Variants in TUSC3 observed in about 807,000 individuals in gnomAD.
The protein encoded by TUSC3 is dolichyl-diphosphooligosaccharide--protein glycosyltransferase subunit TUSC3.
Under a neutral mutation model 44.8 loss-of-function variants are expected in TUSC3, and 45 were observed. That is an observed-to-expected ratio of 1.00 (90% CI 0.79 to 1.29). TUSC3 has a LOEUF of 1.29. Ranked by LOEUF, TUSC3 falls within the 50% of genes most tolerant of loss-of-function variation. The pLI is 0.00. For synonymous variants in TUSC3, 212 were observed against 152.9 expected (o/e 1.39, Z -2.85); for missense variants, 519 against 437.9 (o/e 1.19, Z -1.65).
At chr8:15,791,850 C>T in the TUSC3 span, among the ~76,000 whole-genome samples, 1 of 152,180 alleles carries the variant, frequency 6.6e-6, no homozygotes, top group African/African-American at 2.4e-5. Context: ...AGCTCATCAA[C>T]TGGGCTTCAA....
At chr8:15,436,684 C>G (rs1799949496) in intron 1 of TUSC3, among the ~76,000 whole-genome samples, 3 of 148,460 alleles carry the variant, frequency 2.0e-5, no homozygotes, top group South Asian at 2.2e-4. Flanking sequence ...TGCAAAAAAC[C>G]CAGAACTTTC....
chr8:15,631,764 G>C (rs775854910), intron 2 of TUSC3, among the ~76,000 whole-genome samples: 2 of 151,750 alleles, frequency 1.3e-5, no homozygotes, highest in Non-Finnish European at 2.9e-5. Flanking sequence ...GGAGTGCAGT[G>C]GCGCGATCAT....
intron 2 of TUSC3, among the ~76,000 whole-genome samples, chr8:15,523,837 C>T (rs1214054105): frequency 6.6e-6 from 1 of 151,014 alleles, no homozygotes; most frequent in Non-Finnish European, 1.5e-5. Flanking sequence ...GCAGGCAGAT[C>T]ATGAGGTCAA....
intron 9 of TUSC3, among the ~76,000 whole-genome samples, chr8:15,752,174 G>A (rs916299429): frequency 2.0e-5 from 3 of 152,044 alleles, no homozygotes; most frequent in Admixed American, 1.3e-4. Flanking sequence ...CCAGAAGAAG[G>A]CTTGAATTAG....
At chr8:15,821,454 T>C in the TUSC3 span, among the ~76,000 whole-genome samples, 1 of 151,528 alleles carries the variant, frequency 6.6e-6, no homozygotes, top group Non-Finnish European at 1.5e-5. Flanking sequence ...TTTACTGCTA[T>C]GATTTCTTCA....
the TUSC3 span, among the ~76,000 whole-genome samples, chr8:15,851,143 C>T: frequency 2.5e-3 from 378 of 152,310 alleles, 8 homozygotes; most frequent in East Asian, 0.067. Flanking sequence ...TATGTTTCAT[C>T]CTCTGGCCTT....
the TUSC3 span, among the ~76,000 whole-genome samples, chr8:15,782,633 A>G: frequency 1.6e-4 from 25 of 152,316 alleles, 1 homozygote; most frequent in Middle Eastern, 3.4e-3. Context: ...AAGGAAAACA[A>G]TAATTTGATT....
Position 15,494,095 on chromosome 8 carries a change from G to A in TUSC3, n.189+10612G>A, listed in dbSNP as rs533194118. Among the ~76,000 whole-genome samples the A allele has an allele frequency of 3.3e-5, 5 of 152,308 alleles. No individual in the cohort carries two copies. The South Asian group carries it at 1.0e-3, about 32-fold the overall frequency. On this transcript the variant is annotated intron_variant and non_coding_transcript_variant, in intron 2 of 5. Coordinates refer to the TUSC3 transcript ENST00000503191. ...ACCATACCAGCCTGCTGCTATACCA[G>A]CTGCTCTGCTGTCTGCTGCTGCTAT...
intron 2 of TUSC3, among the ~76,000 whole-genome samples, chr8:15,631,934 C>G (rs185230782): frequency 6.6e-6 from 1 of 152,040 alleles, no homozygotes; most frequent in Non-Finnish European, 1.5e-5. Context: ...GTCTTGAACT[C>G]CTGACCTCCT....
At chr8:15,602,527 G>A (rs572443646) in intron 1 of TUSC3, among the ~76,000 whole-genome samples, 108 of 151,690 alleles carry the variant, frequency 7.1e-4, no homozygotes, top group Non-Finnish European at 1.2e-3. Context: ...ATGCAGAGCT[G>A]TGAGGTAAGT....
At chr8:15,531,339 T>A (rs1801445891) in intron 2 of TUSC3, among the ~76,000 whole-genome samples, 1 of 152,082 alleles carries the variant, frequency 6.6e-6, no homozygotes. Context: ...GCAACCTCCA[T>A]CTCCTGGGTT....
chr8:15,494,756 T>C (rs1439656537), intron 2 of TUSC3, among the ~76,000 whole-genome samples: 1 of 152,204 alleles, frequency 6.6e-6, no homozygotes, highest in African/African-American at 2.4e-5. Context: ...TGGACTGTAT[T>C]ATGACAAAGG....
At chr8:15,699,753 T>C (rs568940109) in intron 6 of TUSC3, among the ~76,000 whole-genome samples, 1 of 152,294 alleles carries the variant, frequency 6.6e-6, no homozygotes, top group South Asian at 2.1e-4. Flanking sequence ...AGTATGGACT[T>C]TTTTTAAGCG....
At chr8:15,606,522 A>T (rs1804534116) in intron 1 of TUSC3, among the ~76,000 whole-genome samples, 3 of 152,048 alleles carry the variant, frequency 2.0e-5, no homozygotes, top group Non-Finnish European at 1.5e-5. Flanking sequence ...ATGTATGTAA[A>T]AAAGTTAATG....
At position 15,764,118 on chromosome 8, in the gene TUSC3, G is replaced by C. The variant is rs540056697; in HGVS notation, c.*47-85G>C. 8 of 1,285,850 alleles carry C rather than the reference G, an allele frequency of 6.2e-6. No homozygotes were observed. In the African/African-American group the frequency reaches 1.0e-4, roughly 17 times the overall value. The allele number at this position is 1,285,850 out of a possible 1,614,324, so 79.7% of individuals were successfully genotyped here. A position where few individuals can be genotyped will look rare whatever the true frequency, so the allele number is the denominator to read the frequency against. On this transcript the variant is annotated intron_variant, in intron 10 of 10. Coordinates refer to ENST00000503731, the MANE Select transcript of TUSC3 (RefSeq NM_006765.4). Reference sequence around the variant, plus strand: ...TGACATTTTAATGTTATATTTACATGTGCTAATTTAGAATGGAATAACAAA... The same window carrying C: ...TGACATTTTAATGTTATATTTACATCTGCTAATTTAGAATGGAATAACAAA...
At chr8:15,833,730 T>C in the TUSC3 span, among the ~76,000 whole-genome samples, 2 of 151,944 alleles carry the variant, frequency 1.3e-5, no homozygotes, top group African/African-American at 2.4e-5. Flanking sequence ...AGAAAATAAC[T>C]AATGGGTACT....
Position 15,527,294 on chromosome 8 carries a change from A to T in TUSC3, n.189+43811A>T, listed in dbSNP as rs182271867. Among the ~76,000 whole-genome samples, 5 of 152,194 alleles carry T rather than the reference A, an allele frequency of 3.3e-5. No homozygotes were observed. In the East Asian group the frequency reaches 9.7e-4, roughly 30 times the overall value. On this transcript the variant is annotated intron_variant and non_coding_transcript_variant, in intron 2 of 5. Coordinates refer to the TUSC3 transcript ENST00000503191. ...TATAGTGGAACAATCTTGGCTCACT[A>T]CAACCTCCGCCTCCCAGGTTTAAGT...
intron 1 of TUSC3, among the ~76,000 whole-genome samples, chr8:15,427,271 G>T (rs1434430428): frequency 6.7e-6 from 1 of 148,718 alleles, no homozygotes; most frequent in African/African-American, 2.5e-5. Flanking sequence ...TCCTGTTACA[G>T]GAGGTAGCTG....
At chr8:15,596,531 G>T (rs1456210279) in intron 1 of TUSC3, among the ~76,000 whole-genome samples, 2 of 152,110 alleles carry the variant, frequency 1.3e-5, no homozygotes, top group Non-Finnish European at 2.9e-5. Context: ...GGGTGTCCTA[G>T]AACCAATACC....
Sources: gnomAD v4.1 joint callset for allele counts (sites outside exome capture counted in the v4.1 genomes callset) on GRCh38, gnomAD v4.1.1 for gene constraint, MANE v1.5 for transcripts, NCBI Gene and HGNC (gene_info 2026-07-23, HGNC 2026-07-21) for gene names.